TSPAN18: variants seen among roughly 807,000 people sequenced by gnomAD.
TSPAN18 encodes tetraspanin-18.
In TSPAN18, 14 loss-of-function variants were observed where a neutral mutation model predicts 27.3. The ratio of observed to expected loss-of-function variants is 0.51; its 90% CI spans 0.34 to 0.80. The LOEUF (loss-of-function observed/expected upper bound fraction) is 0.80. Among genes scored for constraint, TSPAN18 ranks in the 30% least tolerant of loss-of-function variants. The probability of loss-of-function intolerance (pLI) is 0.01; values close to 1 mark genes in which losing one functional copy is unlikely to be tolerated. For synonymous variants in TSPAN18, 143 were observed against 136.5 expected, an observed-to-expected ratio of 1.05 and a Z score of -0.33; for missense variants, 268 against 323.9, an observed-to-expected ratio of 0.83 and a Z score of 1.32.
chr11:44,819,641 A>G (rs1211163546), intron 2 of TSPAN18, among the ~76,000 whole-genome samples: 3 of 150,804 alleles, frequency 2.0e-5, no homozygotes, highest in Admixed American at 6.6e-5. Flanking sequence ...TCATGATTTA[A>G]TTGACTTTTC....
intron 2 of TSPAN18, among the ~76,000 whole-genome samples, chr11:44,776,638 G>C (rs1439544769): frequency 2.0e-5 from 3 of 152,180 alleles, no homozygotes; most frequent in Admixed American, 2.0e-4. Context: ...GTCAGAACTT[G>C]CAGCTGGAAT....
At chr11:44,869,667 C>T (rs185628117) in intron 3 of TSPAN18, among the ~76,000 whole-genome samples, 113 of 152,298 alleles carry the variant, frequency 7.4e-4, no homozygotes, top group Non-Finnish European at 1.4e-3. Context: ...GGCCAGGCCC[C>T]GTCCATGACT....
intron 2 of TSPAN18, among the ~76,000 whole-genome samples, chr11:44,784,304 C>T (rs962853991): frequency 6.6e-6 from 1 of 152,170 alleles, no homozygotes; most frequent in Non-Finnish European, 1.5e-5. Flanking sequence ...CCAACCTGTA[C>T]CAGCGTATGT....
intron 3 of TSPAN18, among the ~76,000 whole-genome samples, chr11:44,905,622 T>TGGGGGAC (rs1485167597): frequency 1.3e-5 from 2 of 152,200 alleles, no homozygotes; most frequent in Non-Finnish European, 2.9e-5. Context: ...CCCTGGGGGA[T>TGGGGGAC]GGGGGACATT....
intron 2 of TSPAN18, chr11:44,859,824 CTT>C (rs1857830090): frequency 6.6e-6 from 1 of 152,204 alleles, no homozygotes; most frequent in Non-Finnish European, 1.5e-5. Flanking sequence ...TGCTGTGTGA[CTT>C]TGAGCAAGTC....
At chr11:44,878,875 G>GA (rs200165871) in intron 3 of TSPAN18, among the ~76,000 whole-genome samples, 2,046 of 142,768 alleles carry the variant, frequency 0.014, 25 homozygotes, top group Non-Finnish European at 0.024. Context: ...TGCGGGAACT[G>GA]AGAAGGGAGA....
chr11:44,921,652 C>T lies in TSPAN18; in HGVS notation c.615+1653C>T, dbSNP rs150087326. On this transcript the variant is annotated intron_variant, in intron 8 of 9. Coordinates refer to ENST00000520358, the MANE Select transcript of TSPAN18 (RefSeq NM_130783.5). ...ATCCAGAGAGAAGGAGCCTGGGCCA[C>T]GTACAGTTCCATGGCATACAGCGGC... 8.2e-3 allele frequency among the ~76,000 whole-genome samples: 1,253 copies of T among 152,266 alleles called. 23 individuals are homozygous for T. Among genetic ancestry groups the T allele is most frequent in the African/African-American group, 0.029 (1,186 of 41,546 alleles).
intron 2 of TSPAN18, among the ~76,000 whole-genome samples, chr11:44,795,706 A>G (rs755666569): frequency 2.6e-5 from 4 of 151,930 alleles, no homozygotes; most frequent in Non-Finnish European, 4.4e-5. Context: ...AGGAGCCGGA[A>G]GAAAGGATAC....
intron 8 of TSPAN18, 72 bp downstream of exon 8, chr11:44,920,071 G>A (rs1180276802): frequency 9.0e-6 from 13 of 1,444,084 alleles, no homozygotes; most frequent in African/African-American, 1.4e-5. Context: ...GGTGGGAGGC[G>A]CTATCACCCC....
chr11:44,807,527 CAAAAAAAAAAAA>C (rs59241339), intron 2 of TSPAN18, among the ~76,000 whole-genome samples: 3 of 64,482 alleles, frequency 4.7e-5, no homozygotes, highest in African/African-American at 7.5e-5. Context: ...AACTCCATCT[CAAAAAAAAAAAA>C]AAAAAAAAAA....
chr11:44,850,410 C>T (rs1231788697), intron 2 of TSPAN18, among the ~76,000 whole-genome samples: 1 of 152,030 alleles, frequency 6.6e-6, no homozygotes, highest in Non-Finnish European at 1.5e-5. Flanking sequence ...GGGAGGGACT[C>T]GCATGATCCC....
intron 2 of TSPAN18, among the ~76,000 whole-genome samples, chr11:44,770,834 G>A (rs1855674089): frequency 6.6e-6 from 1 of 152,162 alleles, no homozygotes; most frequent in African/African-American, 2.4e-5. Flanking sequence ...AGGACTCGCT[G>A]ATAGGATGGG....
At chr11:44,917,270 C>T (rs991271875) in intron 5 of TSPAN18, among the ~76,000 whole-genome samples, 30 of 152,190 alleles carry the variant, frequency 2.0e-4, no homozygotes, top group African/African-American at 7.2e-4. Flanking sequence ...AACTGGTGGG[C>T]AAGGAAGGGC....
chr11:44,899,941 CCTTT>C (rs977796808), intron 3 of TSPAN18, among the ~76,000 whole-genome samples: 19 of 152,342 alleles, frequency 1.2e-4, no homozygotes, highest in African/African-American at 2.4e-4. Context: ...CCCACCATCT[CCTTT>C]CTAAGTGCCG....
intron 3 of TSPAN18, among the ~76,000 whole-genome samples, chr11:44,890,801 A>G (rs1473268824): frequency 6.6e-6 from 1 of 151,948 alleles, no homozygotes; most frequent in East Asian, 1.9e-4. Flanking sequence ...TAGTTATTAG[A>G]TCCATCACTA....
chr11:44,738,966 C>T (rs1396580544), intron 1 of TSPAN18, among the ~76,000 whole-genome samples: 1 of 152,184 alleles, frequency 6.6e-6, no homozygotes, highest in African/African-American at 2.4e-5. Flanking sequence ...TGCACTCCAC[C>T]GCCAGATGGT....
chr11:44,744,565 C>T (rs565712337), intron 1 of TSPAN18, among the ~76,000 whole-genome samples: 12 of 152,252 alleles, frequency 7.9e-5, no homozygotes, highest in South Asian at 2.1e-4. Flanking sequence ...TACCCCTCTC[C>T]GGGCCTGTTT....
chr11:44,804,607 T>C (rs12785418), intron 2 of TSPAN18, among the ~76,000 whole-genome samples: 63,525 of 151,996 alleles, frequency 0.42, 14,402 homozygotes, highest in Non-Finnish European at 0.5. Flanking sequence ...GCTCCGTAAC[T>C]AACATTTGGG....
chr11:44,840,091 C>T (rs1266706530), intron 2 of TSPAN18, among the ~76,000 whole-genome samples: 1 of 152,208 alleles, frequency 6.6e-6, no homozygotes, highest in Admixed American at 6.5e-5. Context: ...CTGCCTCGGC[C>T]AAGTCCTCCA....
Sources: gnomAD v4.1 joint callset for allele counts (sites outside exome capture counted in the v4.1 genomes callset) on GRCh38, gnomAD v4.1.1 for gene constraint, MANE v1.5 for transcripts, NCBI Gene and HGNC (gene_info 2026-07-23, HGNC 2026-07-21) for gene names.